The following RALGAPA2 variants were observed in gnomAD, a reference collection of about 807,000 sequenced individuals.
RALGAPA2 encodes the protein Ral GTPase activating protein catalytic subunit alpha 2.
A neutral mutation model predicts 230.4 loss-of-function variants in RALGAPA2; 139 were observed. The observed-to-expected ratio is 0.60, with a 90% CI of 0.53 to 0.69. The LOEUF (loss-of-function observed/expected upper bound fraction) is 0.69. Among genes scored for constraint, RALGAPA2 ranks in the 30% least tolerant of loss-of-function variants. The pLI, the probability that RALGAPA2 is intolerant of heterozygous loss-of-function variation, is 0.00. For missense variants in RALGAPA2, 2,163 were observed against 2,276.0 expected, an observed-to-expected ratio of 0.95 and a Z score of 1.01; for synonymous variants, 847 against 837.8, an observed-to-expected ratio of 1.01 and a Z score of -0.19.
Position 20,396,698 on chromosome 20 carries a change from G to A in RALGAPA2, c.*32C>T, listed in dbSNP as rs1392650781. On this transcript the variant is annotated 3_prime_UTR_variant, in exon 39 of 40. Transcript: ENST00000202677. ...TCCACTGAAGTGTCTGTCTTACCTT[G>A]CTCAAATATTGAAATGAGACCTTTA... 2 of 1,609,378 alleles carry A rather than the reference G, an allele frequency of 1.2e-6. No homozygotes were observed. The highest frequency in any genetic ancestry group is 1.3e-5 in the African/African-American group (1 of 74,962).
chr20:20,567,166 A>T (rs1347352964), intron 23 of RALGAPA2, among the ~76,000 whole-genome samples: 4 of 152,260 alleles, frequency 2.6e-5, no homozygotes, highest in Non-Finnish European at 5.9e-5. Context: ...TCTCTGATAC[A>T]TGTTCTTACA....
At chr20:20,418,931 G>A (rs1249265604) in intron 37 of RALGAPA2, among the ~76,000 whole-genome samples, 3 of 152,212 alleles carry the variant, frequency 2.0e-5, no homozygotes, top group Non-Finnish European at 4.4e-5. Flanking sequence ...CTAGCAATGA[G>A]GTCTCGCTAT....
At chr20:20,561,230 T>C (rs1053936388) in intron 23 of RALGAPA2, among the ~76,000 whole-genome samples, 9 of 152,240 alleles carry the variant, frequency 5.9e-5, no homozygotes, top group African/African-American at 2.2e-4. Flanking sequence ...CTATTAGTCC[T>C]GGCTCTGGGT....
chr20:20,496,040 C>T (rs945254838), intron 35 of RALGAPA2, among the ~76,000 whole-genome samples: 4 of 152,124 alleles, frequency 2.6e-5, no homozygotes, highest in Admixed American at 2.0e-4. Context: ...AGAGTGGGCC[C>T]GGGACATGCA....
intron 13 of RALGAPA2, among the ~76,000 whole-genome samples, chr20:20,615,113 G>A (rs530969626): frequency 6.6e-6 from 1 of 151,948 alleles, no homozygotes; most frequent in South Asian, 2.1e-4. Flanking sequence ...TTTCTGGTCT[G>A]TTGCTGAGCA....
At chr20:20,633,570 C>G (rs1427803999) in intron 9 of RALGAPA2, among the ~76,000 whole-genome samples, 2 of 152,206 alleles carry the variant, frequency 1.3e-5, no homozygotes, top group Non-Finnish European at 2.9e-5. Context: ...TCAGTGCAAG[C>G]TCCGCCTCCT....
intron 26 of RALGAPA2, among the ~76,000 whole-genome samples, 153 bp downstream of exon 26, chr20:20,535,592 C>G (rs1471440334): frequency 1.3e-5 from 2 of 152,150 alleles, no homozygotes; most frequent in African/African-American, 2.4e-5. Flanking sequence ...AATAATCATG[C>G]AAAGCATCTT....
At chr20:20,678,270 T>C (rs1005058470) in intron 2 of RALGAPA2, among the ~76,000 whole-genome samples, 1 of 152,210 alleles carries the variant, frequency 6.6e-6, no homozygotes, top group Admixed American at 6.5e-5. Flanking sequence ...TGCACTCCAA[T>C]CGAACACAGA....
intron 26 of RALGAPA2, among the ~76,000 whole-genome samples, chr20:20,534,662 T>G (rs1345486031): frequency 2.0e-5 from 3 of 152,132 alleles, no homozygotes; most frequent in African/African-American, 7.2e-5. Flanking sequence ...CCTAGGTAGT[T>G]TTACCATCAA....
intron 32 of RALGAPA2, among the ~76,000 whole-genome samples, chr20:20,512,070 C>A (rs920994259): frequency 2.6e-5 from 4 of 152,054 alleles, no homozygotes; most frequent in Non-Finnish European, 5.9e-5. Context: ...TGCCTGTAAT[C>A]CCAGCTACTC....
chr20:20,500,660 C>A (rs570282166), intron 35 of RALGAPA2, among the ~76,000 whole-genome samples: 40 of 152,300 alleles, frequency 2.6e-4, no homozygotes, highest in African/African-American at 9.4e-4. Flanking sequence ...TCCTGTGAAT[C>A]TTGATATCTT....
chr20:20,556,952 C>T (rs1435788525), intron 23 of RALGAPA2, among the ~76,000 whole-genome samples: 2 of 152,096 alleles, frequency 1.3e-5, no homozygotes, highest in African/African-American at 2.4e-5. Flanking sequence ...TCCTCCACCC[C>T]CTCCTCTACA....
chr20:20,452,968 G>T (rs1253040758), intron 37 of RALGAPA2, among the ~76,000 whole-genome samples: 1 of 152,124 alleles, frequency 6.6e-6, no homozygotes, highest in East Asian at 1.9e-4. Flanking sequence ...TTCAGGTCCT[G>T]GTTACCATTC....
At chr20:20,634,799 C>T (rs1440972162) in intron 9 of RALGAPA2, among the ~76,000 whole-genome samples, 1 of 152,206 alleles carries the variant, frequency 6.6e-6, no homozygotes, top group African/African-American at 2.4e-5. Context: ...CCCTAAGTAA[C>T]TCAGCCTGTT....
At chr20:20,635,310 C>T in intron 9 of RALGAPA2, 108 bp downstream of exon 9, 1 of 1,229,036 alleles carries the variant, frequency 8.1e-7, no homozygotes, top group Admixed American at 2.2e-5. Flanking sequence ...TTACCTATAA[C>T]CAACAACTTG....
At chr20:20,458,573 T>A (rs2061194254) in intron 37 of RALGAPA2, among the ~76,000 whole-genome samples, 2 of 134,498 alleles carry the variant, frequency 1.5e-5, no homozygotes, top group East Asian at 4.1e-4. Flanking sequence ...ATATATATAA[T>A]ATATATACCA....
chr20:20,611,469 C>A, intron 13 of RALGAPA2, 43 bp from the exon 14 acceptor site: 1 of 1,582,596 alleles, frequency 6.3e-7, no homozygotes, highest in South Asian at 1.2e-5. Context: ...AATCATGTCT[C>A]CAAAGCACTT....
At chr20:20,566,043 C>T (rs892467004) in intron 23 of RALGAPA2, among the ~76,000 whole-genome samples, 4 of 152,342 alleles carry the variant, frequency 2.6e-5, no homozygotes, top group South Asian at 2.1e-4. Context: ...CATCACAAGG[C>T]TGTTCCAGCA....
chr20:20,430,718 C>T (rs1464237709), intron 37 of RALGAPA2, among the ~76,000 whole-genome samples: 1 of 152,094 alleles, frequency 6.6e-6, no homozygotes, highest in Non-Finnish European at 1.5e-5. Context: ...TTCCCTGTGT[C>T]TGTATGTTGA....
Sources: allele counts gnomAD v4.1 joint callset (sites outside exome capture counted in the v4.1 genomes callset), GRCh38; gene constraint gnomAD v4.1.1; transcripts MANE v1.5; gene names NCBI Gene and HGNC (gene_info 2026-07-23, HGNC 2026-07-21).